The following ENOX2 variants were observed in gnomAD, a reference collection of about 807,000 sequenced individuals.
The protein encoded by ENOX2 is ecto-NOX disulfide-thiol exchanger 2.
Under a neutral mutation model 45.0 loss-of-function variants are expected in ENOX2, and 36 were observed. That is an observed-to-expected ratio of 0.80 (90% confidence interval 0.61 to 1.06). ENOX2 has a LOEUF of 1.06. ENOX2 is among the 50% of genes least tolerant of loss of function. The pLI is 0.00. For missense variants in ENOX2, 423 were observed against 462.5 expected, an observed-to-expected ratio of 0.91 and a Z score of 0.78; for synonymous variants, 174 against 152.3, an observed-to-expected ratio of 1.14 and a Z score of -1.05.
At chrX:130,886,986 G>A (rs1016210764) in intron 2 of ENOX2, among the ~76,000 whole-genome samples, 1 of 111,950 alleles carries the variant, frequency 8.9e-6, no homozygotes, top group African/African-American at 3.2e-5. Context: ...GCAGAGAAGC[G>A]TGCACAATTA....
At chrX:130,684,973 A>T (rs764266697) in intron 5 of ENOX2, among the ~76,000 whole-genome samples, 1 of 111,714 alleles carries the variant, frequency 9.0e-6, no homozygotes, top group South Asian at 3.8e-4. Flanking sequence ...CAAAAAAAAG[A>T]AACATGTTTT....
chrX:130,645,693 C>T, intron 10 of ENOX2: 1 of 605,801 alleles, frequency 1.7e-6, no homozygotes, highest in Non-Finnish European at 2.5e-6. Flanking sequence ...GTTTCATGCC[C>T]CAGCAGCCGC....
chrX:130,769,848 A>T (rs375083417), intron 3 of ENOX2, among the ~76,000 whole-genome samples: 5 of 112,613 alleles, frequency 4.4e-5, no homozygotes, highest in Non-Finnish European at 9.4e-5. Context: ...GAGCATTTTT[A>T]AAAATGCGAT....
intron 2 of ENOX2, among the ~76,000 whole-genome samples, chrX:130,800,363 T>A (rs1465189326): frequency 1.8e-5 from 2 of 108,932 alleles, no homozygotes; most frequent in Non-Finnish European, 3.8e-5. Flanking sequence ...AAAAAACTAA[T>A]CAGCGTGCAT....
At chrX:130,697,699 T>C (rs1408464132) in intron 4 of ENOX2, among the ~76,000 whole-genome samples, 2 of 112,160 alleles carry the variant, frequency 1.8e-5, no homozygotes, top group Non-Finnish European at 3.8e-5. Context: ...CTTCAGTGAA[T>C]ATTTCTTGTA....
chrX:130,646,950 A>G (rs2036253558), intron 10 of ENOX2, among the ~76,000 whole-genome samples: 1 of 112,158 alleles, frequency 8.9e-6, no homozygotes, highest in Admixed American at 9.4e-5. Flanking sequence ...GGCCCTGAAC[A>G]TAACCTGTTA....
intron 3 of ENOX2, among the ~76,000 whole-genome samples, chrX:130,748,026 T>C (rs1408492708): frequency 8.9e-6 from 1 of 112,002 alleles, no homozygotes; most frequent in Non-Finnish European, 1.9e-5. Context: ...TTCCCCAAAG[T>C]TGTGAAAATT....
chrX:130,773,613 A>C (rs768275373), intron 3 of ENOX2, among the ~76,000 whole-genome samples: 1 of 111,564 alleles, frequency 9.0e-6, no homozygotes, highest in South Asian at 3.8e-4. Flanking sequence ...GGAGATAGGG[A>C]ATGCCACCTG....
intron 2 of ENOX2, among the ~76,000 whole-genome samples, chrX:130,856,010 T>A (rs1331209272): frequency 9.0e-6 from 1 of 111,393 alleles, no homozygotes; most frequent in Non-Finnish European, 1.9e-5. Flanking sequence ...CAAATTAAGA[T>A]CACAATGAGA....
intron 2 of ENOX2, among the ~76,000 whole-genome samples, chrX:130,848,775 G>A (rs371464230): frequency 9.0e-6 from 1 of 110,746 alleles, no homozygotes; most frequent in African/African-American, 3.3e-5. Context: ...CAGCCTGGGC[G>A]ACAGAGTGAG....
intron 2 of ENOX2, among the ~76,000 whole-genome samples, chrX:130,887,353 T>A (rs2078924128): frequency 9.3e-6 from 1 of 107,574 alleles, no homozygotes. Context: ...CTATACCCTA[T>A]CCCTAACCCA....
chrX:130,749,761 TGA>T (rs1371952745), intron 3 of ENOX2, among the ~76,000 whole-genome samples: 1 of 110,357 alleles, frequency 9.1e-6, no homozygotes, highest in Non-Finnish European at 1.9e-5. Context: ...ACGGTAAGAG[TGA>T]GAGGGCACCT....
rs140501011 is a variant in ENOX2 at position 130,778,682 on chromosome X, T to C, written c.-39+4865A>G. Among the ~76,000 whole-genome samples the C allele has an allele frequency of 5.1e-3, 572 of 112,530 alleles. 1 individual carries two copies. Among genetic ancestry groups the C allele is most frequent in the Middle Eastern group, 0.018 (4 of 219 alleles). Reference sequence around the variant, plus strand: ...TTTTGAAGGGTCTTTCTGGAGATCTTGAACTTTTGTGATTAAATAATTATT... The same window carrying C: ...TTTTGAAGGGTCTTTCTGGAGATCTCGAACTTTTGTGATTAAATAATTATT... On this transcript the variant is annotated intron_variant, in intron 3 of 14. Transcript: ENST00000394363.
chrX:130,654,626 G>A (rs903344062), intron 10 of ENOX2, among the ~76,000 whole-genome samples: 1 of 112,095 alleles, frequency 8.9e-6, no homozygotes, highest in East Asian at 2.8e-4. Context: ...AGATACAATC[G>A]AGGGGAAGAA....
chrX:130,691,456 C>T (rs1301246260), intron 4 of ENOX2, among the ~76,000 whole-genome samples: 2 of 111,499 alleles, frequency 1.8e-5, no homozygotes, highest in East Asian at 2.8e-4. Context: ...TCTAGGTTTC[C>T]CGTTTGATCT....
chrX:130,864,048 T>C (rs1304218474), intron 2 of ENOX2, among the ~76,000 whole-genome samples: 1 of 111,071 alleles, frequency 9.0e-6, no homozygotes, highest in African/African-American at 3.3e-5. Context: ...CTTTTTCTCA[T>C]TTGGCTTTTC....
chrX:130,883,604 T>C (rs952363919), intron 2 of ENOX2, among the ~76,000 whole-genome samples: 6 of 111,807 alleles, frequency 5.4e-5, no homozygotes, highest in African/African-American at 1.9e-4. Flanking sequence ...AAAAGGCAAA[T>C]ATGAATAAAT....
At chrX:130,630,379 G>A (rs1183055358) in intron 13 of ENOX2, among the ~76,000 whole-genome samples, 1 of 111,142 alleles carries the variant, frequency 9.0e-6, no homozygotes, top group Non-Finnish European at 1.9e-5. Context: ...AATTGGGGCT[G>A]GCCATCAGAA....
rs953834791 is a variant in ENOX2 at position 130,623,579 on chromosome X, C to T, written c.*1735G>A. The T allele has an allele frequency of 9.0e-6, 1 of 111,579 alleles. No homozygotes were observed. The highest frequency in any genetic ancestry group is 1.9e-5 in the Non-Finnish European group (1 of 53,169). 9.2% of individuals were successfully genotyped at this position (111,579 alleles called of 1,213,427 possible). Reference sequence around the variant, plus strand: ...AGAAATAACTGTAAATGGAAAGTTTCCCTTGATTTCATAGATATTATTAAA... The same window carrying T: ...AGAAATAACTGTAAATGGAAAGTTTTCCTTGATTTCATAGATATTATTAAA... On this transcript the variant is annotated 3_prime_UTR_variant, in exon 15 of 15. Transcript: ENST00000394363.
Sources: gnomAD v4.1 joint callset for allele counts (sites outside exome capture counted in the v4.1 genomes callset) on GRCh38, gnomAD v4.1.1 for gene constraint, MANE v1.5 for transcripts, NCBI Gene and HGNC (gene_info 2026-07-23, HGNC 2026-07-21) for gene names.